Variants in RBMS3 observed in about 807,000 individuals in gnomAD.
RBMS3 encodes the protein RNA-binding motif, single-stranded-interacting protein 3.
RBMS3 carries 27 observed loss-of-function variants against 66.8 expected under a neutral mutation model. The ratio of observed to expected loss-of-function variants is 0.40; its 90% CI spans 0.30 to 0.56. The LOEUF is 0.56. RBMS3 is among the 20% of genes least tolerant of loss of function. RBMS3 has a pLI of 0.40. For synonymous variants in RBMS3, 188 were observed against 183.0 expected, an observed-to-expected ratio of 1.03 and a Z score of -0.22; for missense variants, 513 against 549.5, an observed-to-expected ratio of 0.93 and a Z score of 0.66.
intron 1 of RBMS3, among the ~76,000 whole-genome samples, chr3:29,383,051 C>A (rs1314259558): frequency 6.6e-6 from 1 of 152,112 alleles, no homozygotes; most frequent in Admixed American, 6.6e-5. Flanking sequence ...GGGAAATATA[C>A]CCTTCATCTG....
chr3:29,305,073 T>C (rs1274601195), intron 1 of RBMS3, among the ~76,000 whole-genome samples: 1 of 151,870 alleles, frequency 6.6e-6, no homozygotes, highest in East Asian at 2.0e-4. Context: ...TGCTCCAATA[T>C]GCCCAGACCT....
chr3:29,292,130 C>T (rs1047267867), intron 1 of RBMS3, among the ~76,000 whole-genome samples: 2 of 151,712 alleles, frequency 1.3e-5, no homozygotes, highest in Admixed American at 1.3e-4. Context: ...TTCTTCCCAG[C>T]CCTCTAGACA....
At chr3:29,679,651 C>G (rs1249586820) in intron 4 of RBMS3, among the ~76,000 whole-genome samples, 1 of 151,936 alleles carries the variant, frequency 6.6e-6, no homozygotes, top group African/African-American at 2.4e-5. Flanking sequence ...ATTATATCAT[C>G]CTACTCCTTT....
chr3:29,826,196 T>C (rs1428212067), intron 6 of RBMS3, among the ~76,000 whole-genome samples: 1 of 152,190 alleles, frequency 6.6e-6, no homozygotes, highest in East Asian at 1.9e-4. Context: ...TTAATTTGCA[T>C]TAATAACATT....
chr3:29,303,266 T>A (rs550903276), intron 1 of RBMS3, among the ~76,000 whole-genome samples: 2 of 152,174 alleles, frequency 1.3e-5, no homozygotes, highest in African/African-American at 4.8e-5. Flanking sequence ...CAACCTTCCA[T>A]TGGTGTCTGA....
intron 4 of RBMS3, among the ~76,000 whole-genome samples, chr3:29,683,566 C>T (rs77029906): frequency 0.027 from 4,135 of 152,150 alleles, 79 homozygotes; most frequent in Admixed American, 0.064. Flanking sequence ...ATGCTAACTC[C>T]TGGCTAGAAA....
chr3:29,599,075 C>T (rs2048059200), intron 4 of RBMS3, among the ~76,000 whole-genome samples: 1 of 151,378 alleles, frequency 6.6e-6, no homozygotes, highest in African/African-American at 2.4e-5. Context: ...AGAAGCTTTC[C>T]CAGTATGCAG....
At position 29,352,215 on chromosome 3, in the gene RBMS3, A is replaced by G. The variant is rs920158812; in HGVS notation, c.75+70459A>G. On this transcript the variant is annotated intron_variant, in intron 1 of 14. Transcript: ENST00000383767. Reference sequence around the variant, plus strand: ...TTCTGCAACTGCGTCTTTTTTTGAGACAAATATTTTGTTCGTTTTTGCAAA... The same window carrying G: ...TTCTGCAACTGCGTCTTTTTTTGAGGCAAATATTTTGTTCGTTTTTGCAAA... 2.0e-5 allele frequency among the ~76,000 whole-genome samples: 3 copies of G among 151,998 alleles called. No individual in the cohort carries two copies. In the South Asian group the frequency reaches 6.2e-4, roughly 32 times the overall value.
intron 6 of RBMS3, among the ~76,000 whole-genome samples, chr3:29,818,611 T>C (rs956883117): frequency 6.6e-6 from 1 of 152,120 alleles, no homozygotes; most frequent in African/African-American, 2.4e-5. Flanking sequence ...CAATGCGACC[T>C]TGATTTCCTC....
chr3:29,565,269 TAGAG>T (rs2046701331), intron 3 of RBMS3, among the ~76,000 whole-genome samples: 1 of 152,140 alleles, frequency 6.6e-6, no homozygotes, highest in South Asian at 2.1e-4. Flanking sequence ...CTCAAAAACT[TAGAG>T]GGAATGAGTT....
At chr3:29,500,547 T>C (rs945085740) in intron 3 of RBMS3, among the ~76,000 whole-genome samples, 1 of 151,962 alleles carries the variant, frequency 6.6e-6, no homozygotes, top group African/African-American at 2.4e-5. Context: ...CATAGGATTA[T>C]ACCATGTTTT....
At chr3:29,690,642 ATTG>A (rs1387865470) in intron 4 of RBMS3, among the ~76,000 whole-genome samples, 3 of 152,180 alleles carry the variant, frequency 2.0e-5, no homozygotes, top group African/African-American at 7.2e-5. Context: ...TTTGAAAGTA[ATTG>A]TTGTTAGTTA....
intron 6 of RBMS3, among the ~76,000 whole-genome samples, chr3:29,851,552 G>T (rs147516080): frequency 1.3e-5 from 2 of 152,146 alleles, no homozygotes; most frequent in Non-Finnish European, 2.9e-5. Context: ...ACACATTAAA[G>T]CATCTACCAC....
chr3:29,979,999 AG>A, intron 12 of RBMS3, among the ~76,000 whole-genome samples: 1 of 152,298 alleles, frequency 6.6e-6, no homozygotes, highest in East Asian at 1.9e-4. Context: ...TAGATCCCTG[AG>A]GAATTGCCAC....
At chr3:29,994,588 T>C (rs11129378) in intron 14 of RBMS3, among the ~76,000 whole-genome samples, 23,156 of 151,320 alleles carry the variant, frequency 0.15, 1,796 homozygotes, top group Middle Eastern at 0.21. Flanking sequence ...GATCTGAGAA[T>C]GGGCAGACTG....
chr3:29,580,830 A>G (rs571036765), intron 3 of RBMS3, among the ~76,000 whole-genome samples: 1 of 152,280 alleles, frequency 6.6e-6, no homozygotes, highest in South Asian at 2.1e-4. Flanking sequence ...AGGCAATTAA[A>G]CTGGAATATG....
In RBMS3 at chr3:29,682,449, G is replaced by A. The variant is rs970769586; in HGVS notation, c.400-57271G>A. Reference sequence around the variant, plus strand: ...ATGACAGGCATGAACCACCATGCCCGGCTAGATGCTAGTTTTTAAACAAGC... The same window carrying A: ...ATGACAGGCATGAACCACCATGCCCAGCTAGATGCTAGTTTTTAAACAAGC... On this transcript the variant is annotated intron_variant, in intron 4 of 14. Coordinates refer to ENST00000383767, the MANE Select transcript of RBMS3 (RefSeq NM_001003793.3). Among the ~76,000 whole-genome samples, 10 of 152,292 alleles carry A rather than the reference G, an allele frequency of 6.6e-5. No individual in the cohort carries two copies. In the South Asian group the frequency reaches 1.2e-3, roughly 19 times the overall value.
chr3:29,359,636 T>A (rs1472070763), intron 1 of RBMS3, among the ~76,000 whole-genome samples: 1 of 152,202 alleles, frequency 6.6e-6, no homozygotes, highest in African/African-American at 2.4e-5. Context: ...AGCTCCTTCT[T>A]GTACCTCTGG....
At chr3:29,571,851 G>C (rs1212255631) in intron 3 of RBMS3, among the ~76,000 whole-genome samples, 1 of 152,104 alleles carries the variant, frequency 6.6e-6, no homozygotes, top group Non-Finnish European at 1.5e-5. Flanking sequence ...TGAATCAGTA[G>C]ATTGTTTTGG....
Sources: gnomAD v4.1 joint callset for allele counts (sites outside exome capture counted in the v4.1 genomes callset) on GRCh38, gnomAD v4.1.1 for gene constraint, MANE v1.5 for transcripts, NCBI Gene and HGNC (gene_info 2026-07-23, HGNC 2026-07-21) for gene names.